KMT2C: variants seen among roughly 807,000 people sequenced by gnomAD.
KMT2C encodes lysine methyltransferase 2C.
A neutral mutation model predicts 507.9 loss-of-function variants in KMT2C; 88 were observed. That is an observed-to-expected ratio of 0.17 (90% CI 0.15 to 0.21). KMT2C has a LOEUF of 0.21. Ranked by LOEUF, KMT2C falls within the 10% of genes least tolerant of loss-of-function variation. The probability of loss-of-function intolerance (pLI) is 1.00; values close to 1 mark genes in which losing one functional copy is unlikely to be tolerated. For synonymous variants in KMT2C, 2,049 were observed against 2,080.8 expected (o/e 0.98, Z 0.42); for missense variants, 4,954 against 5,957.8 (o/e 0.83, Z 5.55).
chr7:152,282,567 C>G (rs1467624918), intron 6 of KMT2C, among the ~76,000 whole-genome samples: 1 of 152,020 alleles, frequency 6.6e-6, no homozygotes, highest in Non-Finnish European at 1.5e-5. Context: ...TGAAAGATGA[C>G]AGAAAACAGT....
Position 152,163,441 on chromosome 7 carries a change from G to C in KMT2C, c.10136C>G (p.Pro3379Arg). Residue 3379 changes from proline to arginine, a missense_variant, in exon 43 of 59, where the codon CCA becomes CGA. Coordinates refer to ENST00000262189, the MANE Select transcript of KMT2C (RefSeq NM_170606.3). The stretch of plus-strand genomic sequence containing the variant: ...GTCATCAAATTCTACCCGAGGTGGT[G>C]GTCCACTCTGTGGATTTGCATTTGA... ...TVSNANPQSG[P>R]PPRVEFDDNN... 6.2e-7 allele frequency: 1 copy of C among 1,614,198 alleles called. No individual in the cohort carries two copies. The highest frequency in any genetic ancestry group is 8.5e-7 in the Non-Finnish European group (1 of 1,180,050).
intron 10 of KMT2C, 34 bp from the exon 11 acceptor site, chr7:152,252,124 TA>T: frequency 6.7e-7 from 1 of 1,494,066 alleles, no homozygotes; most frequent in Non-Finnish European, 9.1e-7. Flanking sequence ...TAAAAATTTC[TA>T]ACATCGAGTT....
At chr7:152,245,746 TTAA>T (rs2095462053) in intron 14 of KMT2C, among the ~76,000 whole-genome samples, 1 of 152,202 alleles carries the variant, frequency 6.6e-6, no homozygotes. Flanking sequence ...TAAAATCAAC[TTAA>T]TAATTTGCCC....
At chr7:152,301,308 G>C (rs190573976) in intron 6 of KMT2C, among the ~76,000 whole-genome samples, 113 of 151,696 alleles carry the variant, frequency 7.4e-4, no homozygotes, top group African/African-American at 2.6e-3. Context: ...TTCGAGACCA[G>C]CCTGGCCCAC....
chr7:152,157,120 C>T (rs61296323), intron 44 of KMT2C, among the ~76,000 whole-genome samples: 9 of 150,914 alleles, frequency 6.0e-5, no homozygotes, highest in Non-Finnish European at 1.2e-4. Flanking sequence ...CAGAGACTTG[C>T]TCTGTCACCC....
intron 51 of KMT2C, 113 bp downstream of exon 51, chr7:152,150,787 C>G: frequency 1.4e-6 from 1 of 737,648 alleles, no homozygotes; most frequent in Non-Finnish European, 2.3e-6. Flanking sequence ...GCTTTGGATT[C>G]CCCACACAGA....
rs2129101388 is a variant in KMT2C, at chr7:152,158,869, C to G, written c.11664G>C (p.Leu3888Phe). The G allele has an allele frequency of 6.2e-7, 1 of 1,614,028 alleles. No homozygotes were observed. The highest frequency in any genetic ancestry group is 8.5e-7 in the Non-Finnish European group (1 of 1,179,862). Residue 3888 changes from leucine (L) to phenylalanine (F), a missense_variant, in exon 44 of 59, where the codon TTG becomes TTC. Physicochemically the swap from Leu to Phe is conservative, Grantham distance 22. Around this residue, in one of 29 missense-constraint regions of KMT2C, gnomAD observed 801 missense variants for 751.2 expected, o/e 1.07. Coordinates refer to ENST00000262189, the MANE Select transcript of KMT2C (RefSeq NM_170606.3). ...MYSSTDTFTHLKQQNNLSNPP... is the reference protein window; with the variant it reads ...MYSSTDTFTHFKQQNNLSNPP... The stretch of plus-strand genomic sequence containing the variant: ...CTAAATGACTCACCCTCACCTGTTT[C>G]AAGTGGGTAAACGTGTCAGTGCTAG...
intron 2 of KMT2C, among the ~76,000 whole-genome samples, chr7:152,355,863 C>T (rs1429991400): frequency 1.3e-5 from 2 of 151,990 alleles, no homozygotes; most frequent in Non-Finnish European, 2.9e-5. Flanking sequence ...CTGTATAGTA[C>T]CTAAAAGGGG....
At chr7:152,237,421 T>C (rs972301753) in intron 15 of KMT2C, among the ~76,000 whole-genome samples, 54 of 152,180 alleles carry the variant, frequency 3.5e-4, no homozygotes, top group South Asian at 8.3e-4. Context: ...CTGCTCTCCT[T>C]GAGATCCCTT....
At chr7:152,384,481 G>C (rs1276702645) in intron 1 of KMT2C, among the ~76,000 whole-genome samples, 3 of 151,078 alleles carry the variant, frequency 2.0e-5, no homozygotes, top group East Asian at 1.9e-4. Flanking sequence ...GCAGCTCAAG[G>C]ATAACTCCAG....
At chr7:152,317,962 A>T (rs888361326) in intron 3 of KMT2C, among the ~76,000 whole-genome samples, 1 of 151,254 alleles carries the variant, frequency 6.6e-6, no homozygotes, top group African/African-American at 2.4e-5. Context: ...ACATGGTGAA[A>T]CCCCGTCTCT....
At position 152,273,705 on chromosome 7, in the gene KMT2C, A is replaced by C; in HGVS notation, c.1012T>G (p.Ser338Ala). The C allele has an allele frequency of 1.9e-6, 3 of 1,614,034 alleles. No individual in the cohort carries two copies. The highest frequency in any genetic ancestry group is 1.7e-4 in the Middle Eastern group (1 of 6,060). The change falls in exon 7 of 59, where the codon TCG becomes GCG. Residue 338 changes from serine (S) to alanine (A), a missense_variant and splice_region_variant. Transcript: ENST00000262189. Reference sequence around the variant, plus strand: ...AAAAGTCTATCCGTAGTAAACTTACATCTTTCAGGAGCTTGGTCAATGTGT... The same window carrying C: ...AAAAGTCTATCCGTAGTAAACTTACCTCTTTCAGGAGCTTGGTCAATGTGT... ...PEHIDQAPER[S>A]KEDANCAVCD...
intron 13 of KMT2C, 122 bp from the exon 14 acceptor site, chr7:152,248,742 C>T (rs2095516492): frequency 1.6e-6 from 1 of 620,308 alleles, no homozygotes; most frequent in Non-Finnish European, 2.8e-6. Context: ...TCAAAGCAGA[C>T]AATTATTAAG....
intron 1 of KMT2C, among the ~76,000 whole-genome samples, chr7:152,398,845 G>A (rs545782073): frequency 3.1e-4 from 47 of 151,952 alleles, no homozygotes; most frequent in African/African-American, 1.1e-3. Context: ...TTTTGTTTTG[G>A]AGACAGGGTT....
At chr7:152,227,150 T>C (rs1181758276) in intron 18 of KMT2C, among the ~76,000 whole-genome samples, 3 of 152,198 alleles carry the variant, frequency 2.0e-5, no homozygotes. Context: ...CTTCTTATTC[T>C]CAAATCTAAT....
rs538459858 is a variant in KMT2C at position 152,250,135 on chromosome 7, A to G, written c.1736-182T>C. Among the ~76,000 whole-genome samples, 156 of 152,334 alleles carry G rather than the reference A, an allele frequency of 1.0e-3. 1 individual carries two copies. Among genetic ancestry groups the G allele is most frequent in the Non-Finnish European group, 1.6e-3 (107 of 68,018 alleles). On this transcript the variant is annotated intron_variant, in intron 12 of 58. Transcript: ENST00000262189. ...AAATTAGAAGTCTTTGCACTATGGT[A>G]AAAATTTTTTAATTGTCTTTTTCTC... is the stretch of plus-strand genomic sequence containing the variant.
At chr7:152,332,725 G>A (rs1342081176) in intron 2 of KMT2C, among the ~76,000 whole-genome samples, 2 of 152,118 alleles carry the variant, frequency 1.3e-5, no homozygotes, top group African/African-American at 4.8e-5. Context: ...GCACATGCCT[G>A]TAATCCCAGC....
At chr7:152,141,648 G>A (rs1456481277) in intron 55 of KMT2C, among the ~76,000 whole-genome samples, 4 of 150,232 alleles carry the variant, frequency 2.7e-5, no homozygotes, top group Admixed American at 2.7e-4. Flanking sequence ...GGGAGGCAGA[G>A]GTTGCAGTGA....
intron 6 of KMT2C, among the ~76,000 whole-genome samples, chr7:152,303,848 C>T (rs2096592895): frequency 6.6e-6 from 1 of 152,024 alleles, no homozygotes; most frequent in East Asian, 1.9e-4. Flanking sequence ...ATTAGCCAGG[C>T]GTGGTGGTCC....
Sources: allele counts gnomAD v4.1 joint callset (sites outside exome capture counted in the v4.1 genomes callset), GRCh38; gene constraint gnomAD v4.1.1; regional missense constraint gnomAD v4.1.1; transcripts MANE v1.5; gene names NCBI Gene and HGNC (gene_info 2026-07-23, HGNC 2026-07-21).